The following GRAMD1B variants were observed in gnomAD, a reference collection of about 807,000 sequenced individuals.
GRAMD1B encodes protein Aster-B.
In GRAMD1B, 37 loss-of-function variants were observed where a neutral mutation model predicts 99.7. That is an observed-to-expected ratio of 0.37 (90% CI 0.29 to 0.49). GRAMD1B has a LOEUF of 0.49. Ranked by LOEUF, GRAMD1B falls within the 20% of genes least tolerant of loss-of-function variation. The pLI, the probability that GRAMD1B is intolerant of heterozygous loss-of-function variation, is 0.98. For synonymous variants in GRAMD1B, 427 were observed against 387.6 expected, an observed-to-expected ratio of 1.10 and a Z score of -1.19; for missense variants, 888 against 1,009.2, an observed-to-expected ratio of 0.88 and a Z score of 1.63.
intron 1 of GRAMD1B, among the ~76,000 whole-genome samples, chr11:123,410,827 T>C (rs1295280817): frequency 6.6e-6 from 1 of 152,110 alleles, no homozygotes; most frequent in Non-Finnish European, 1.5e-5. Context: ...CTCTGCCACT[T>C]AATTACCAAG....
intron 2 of GRAMD1B, among the ~76,000 whole-genome samples, chr11:123,505,909 G>A (rs538958148): frequency 2.1e-4 from 32 of 152,132 alleles, no homozygotes; most frequent in African/African-American, 6.7e-4. Flanking sequence ...TACAGGGAGC[G>A]TCTACATCTA....
chr11:123,604,915 C>T (rs1273364117), intron 9 of GRAMD1B, among the ~76,000 whole-genome samples: 1 of 152,160 alleles, frequency 6.6e-6, no homozygotes, highest in Non-Finnish European at 1.5e-5. Flanking sequence ...GCGCTCATGT[C>T]CAGAGTCCTG....
At chr11:123,568,828 C>T (rs1357234553) in intron 2 of GRAMD1B, among the ~76,000 whole-genome samples, 1 of 152,224 alleles carries the variant, frequency 6.6e-6, no homozygotes, top group African/African-American at 2.4e-5. Context: ...GTAATCACAG[C>T]TTGATTTTCT....
intron 1 of GRAMD1B, among the ~76,000 whole-genome samples, chr11:123,377,365 A>T (rs117402449): frequency 6.6e-6 from 1 of 152,192 alleles, no homozygotes; most frequent in Non-Finnish European, 1.5e-5. Context: ...GTTTGATGAG[A>T]TGTTCTGGGT....
chr11:123,542,726 C>T (rs538359715), intron 2 of GRAMD1B, among the ~76,000 whole-genome samples: 27 of 152,154 alleles, frequency 1.8e-4, no homozygotes, highest in Non-Finnish European at 3.1e-4. Flanking sequence ...GATCTTGGCT[C>T]ATTGCAACCT....
chr11:123,606,815 G>A lies in GRAMD1B; in HGVS notation c.1513+17G>A. On this transcript the variant is annotated intron_variant, in intron 11 of 19. Coordinates refer to ENST00000635736, the MANE Select transcript of GRAMD1B (RefSeq NM_001387025.1). ...ACGATGAAGGTGGGCATTTGAAAAT[G>A]GGTCTGGAGTGGCCCTTGCTCTGTT... 3 of 1,606,480 alleles carry A rather than the reference G, an allele frequency of 1.9e-6. No homozygotes were observed. Among genetic ancestry groups the A allele is most frequent in the Non-Finnish European group, 2.6e-6 (3 of 1,174,174 alleles).
chr11:123,462,891 T>TAAAAAAAAAAAAAAAAAAAA (rs1022451957), intron 1 of GRAMD1B, among the ~76,000 whole-genome samples: 1 of 111,404 alleles, frequency 9.0e-6, no homozygotes, highest in Non-Finnish European at 2.0e-5. Flanking sequence ...AAAAATAAAT[T>TAAAAAAAAAAAAAAAAAAAA]AAAAAAAAAA....
At chr11:123,605,506 C>A (rs1437064965) in intron 10 of GRAMD1B, 28 bp downstream of exon 10, 7 of 1,579,234 alleles carry the variant, frequency 4.4e-6, no homozygotes, top group African/African-American at 1.4e-5. Flanking sequence ...TTGACTTCTA[C>A]CCCCAGTCCT....
At position 123,582,673 on chromosome 11, in the gene GRAMD1B, T is replaced by G. The variant is rs564158853; in HGVS notation, c.664-1639T>G. 2.3e-4 allele frequency among the ~76,000 whole-genome samples: 35 copies of G among 152,166 alleles called. No individual in the cohort carries two copies. The East Asian group carries it at 5.6e-3, about 24-fold the overall frequency. ...GCTCCTCTGTGGACTGGTTTCACTGTGGGGGGTGAAGGTGGACCGTCTTTA... is the reference window on the plus strand; with the variant it reads ...GCTCCTCTGTGGACTGGTTTCACTGGGGGGGGTGAAGGTGGACCGTCTTTA... On this transcript the variant is annotated intron_variant, in intron 3 of 19. Transcript: ENST00000635736.
intron 2 of GRAMD1B, among the ~76,000 whole-genome samples, chr11:123,539,757 C>G (rs973915656): frequency 1.3e-5 from 2 of 152,176 alleles, no homozygotes; most frequent in Non-Finnish European, 2.9e-5. Flanking sequence ...TTGCAGCTAC[C>G]GACACCCTCA....
At chr11:123,593,206 TG>T (rs1489482468) in intron 4 of GRAMD1B, among the ~76,000 whole-genome samples, 1 of 151,970 alleles carries the variant, frequency 6.6e-6, no homozygotes, top group African/African-American at 2.4e-5. Context: ...CACTCCAGCC[TG>T]GGTGACAGAG....
At position 123,513,571 on chromosome 11, in the gene GRAMD1B, T is replaced by TC. The variant is rs1245100756; in HGVS notation, c.452+32680dup. Among the ~76,000 whole-genome samples the TC allele has an allele frequency of 7.6e-3, 791 of 103,876 alleles. 8 individuals are homozygous for TC. Among genetic ancestry groups the TC allele is most frequent in the African/African-American group, 0.031 (745 of 24,000 alleles). 68.1% of individuals were successfully genotyped at this position (103,876 alleles called of 152,430 possible). A position where few individuals can be genotyped will look rare whatever the true frequency, so the allele number is the denominator to read the frequency against. On this transcript the variant is annotated intron_variant, in intron 2 of 19. Transcript: ENST00000635736. Reference sequence around the variant, plus strand: ...TCCTTTCTTTCCTTCCTTCCTTCCTTCCTTCCTTTCCTTCCTTCCTTCCTT... The same window carrying TC: ...TCCTTTCTTTCCTTCCTTCCTTCCTTCCCTTCCTTTCCTTCCTTCCTTCCTT...
intron 1 of GRAMD1B, chr11:123,432,242 G>A (rs539187027): frequency 2.4e-4 from 92 of 390,558 alleles, no homozygotes; most frequent in African/African-American, 1.5e-3. Context: ...GGCTGAGAAG[G>A]AAGATGAGGG....
chr11:123,530,918 G>A (rs945211250), intron 2 of GRAMD1B, among the ~76,000 whole-genome samples: 1 of 152,116 alleles, frequency 6.6e-6, no homozygotes, highest in Non-Finnish European at 1.5e-5. Context: ...TGTTTGCCTT[G>A]GGTGGTGGTG....
At position 123,417,202 on chromosome 11, in the gene GRAMD1B, G is replaced by A. The variant is rs540408136; in HGVS notation, c.-176+58403G>A. Among the ~76,000 whole-genome samples the A allele has an allele frequency of 1.2e-4, 19 of 152,160 alleles. No individual in the cohort carries two copies. The East Asian group carries it at 2.3e-3, about 19-fold the overall frequency. ...ATTCTGGCCAACATGGTGAAACCCCGTCTCTACTAAAAATACAAAAATTAG... is the reference window on the plus strand; with the variant it reads ...ATTCTGGCCAACATGGTGAAACCCCATCTCTACTAAAAATACAAAAATTAG... On this transcript the variant is annotated intron_variant, in intron 1 of 20. Transcript: ENST00000638157.
chr11:123,431,717 T>C (rs79614428), intron 1 of GRAMD1B, among the ~76,000 whole-genome samples: 1,840 of 152,336 alleles, frequency 0.012, 29 homozygotes, highest in Non-Finnish European at 0.017. Context: ...AATATTGACA[T>C]TGAGTGAGTC....
chr11:123,472,562 G>A (rs974500299), intron 1 of GRAMD1B, among the ~76,000 whole-genome samples: 1 of 152,316 alleles, frequency 6.6e-6, no homozygotes, highest in East Asian at 1.9e-4. Flanking sequence ...ATAGGCGAAA[G>A]AAAGAGAAAG....
chr11:123,443,634 C>A (rs1949511447), intron 1 of GRAMD1B, among the ~76,000 whole-genome samples: 1 of 151,788 alleles, frequency 6.6e-6, no homozygotes, highest in Admixed American at 6.6e-5. Context: ...GGCACGATCT[C>A]ACTCACTGCA....
chr11:123,506,295 C>T (rs1443171760), intron 2 of GRAMD1B, among the ~76,000 whole-genome samples: 1 of 152,188 alleles, frequency 6.6e-6, no homozygotes, highest in African/African-American at 2.4e-5. Context: ...TGTCCAGCCT[C>T]GGAGCTGTCC....
Sources: gnomAD v4.1 joint callset for allele counts (sites outside exome capture counted in the v4.1 genomes callset) on GRCh38, gnomAD v4.1.1 for gene constraint, MANE v1.5 for transcripts, NCBI Gene and HGNC (gene_info 2026-07-23, HGNC 2026-07-21) for gene names.